The following MYH13 variants were observed in gnomAD, a reference collection of about 807,000 sequenced individuals.
MYH13 encodes the protein myosin heavy chain 13.
In MYH13, 177 loss-of-function variants were observed where a neutral mutation model predicts 232.1. The observed-to-expected ratio is 0.76, with a 90% CI of 0.67 to 0.86. The LOEUF is 0.86. Ranked by LOEUF, MYH13 falls within the 40% of genes least tolerant of loss-of-function variation. The probability of loss-of-function intolerance (pLI) is 0.00; values close to 1 mark genes in which losing one functional copy is unlikely to be tolerated. For missense variants in MYH13, 2,246 were observed against 2,405.9 expected, an observed-to-expected ratio of 0.93 and a Z score of 1.39; for synonymous variants, 884 against 923.5, an observed-to-expected ratio of 0.96 and a Z score of 0.78.
chr17:10,340,193 A>G lies in MYH13; in HGVS notation c.2013T>C (p.Pro671=). ...KLMTNLRSTH[P]HFVRCLIPNE... is the part of the protein sequence containing the mutation. ...TGGGAATCAGACATCGTACAAAGTG[A>G]GGGTGGGTGCTCCTTAAGTTAGTCA... The change falls in exon 18 of 41, where the codon CCT becomes CCC. Residue 671 remains proline, a synonymous_variant. Coordinates refer to ENST00000252172, the MANE Select transcript of MYH13 (RefSeq NM_003802.3). The G allele has an allele frequency of 6.2e-7, 1 of 1,614,004 alleles. No individual in the cohort carries two copies. Among genetic ancestry groups the G allele is most frequent in the Non-Finnish European group, 8.5e-7 (1 of 1,179,938 alleles).
chr17:10,349,833 A>C (rs1949574643), intron 12 of MYH13, among the ~76,000 whole-genome samples: 1 of 152,130 alleles, frequency 6.6e-6, no homozygotes, highest in South Asian at 2.1e-4. Context: ...GAGAGTTTAA[A>C]GCGCACTGCT....
At chr17:10,344,544 G>A (rs1326376678) in intron 15 of MYH13, among the ~76,000 whole-genome samples, 4 of 151,976 alleles carry the variant, frequency 2.6e-5, no homozygotes, top group Admixed American at 6.6e-5. Flanking sequence ...TCGGCCGGGC[G>A]TGGTGGTTCA....
intron 18 of MYH13, among the ~76,000 whole-genome samples, chr17:10,338,289 A>G (rs1248955420): frequency 6.6e-6 from 1 of 152,176 alleles, no homozygotes; most frequent in East Asian, 1.9e-4. Context: ...CACTCTTCCC[A>G]ACACTGGAGA....
At position 10,301,636 on chromosome 17, in the gene MYH13, T is replaced by G; in HGVS notation, c.5735A>C (p.Glu1912Ala). ...RVQHELEEAA[E>A]RADIAESQVN... ...CTGGGACTCAGCGATGTCCGCCCTCTCCGCGGCCTCCTCTAGCTCATGCTG... is the reference window on the plus strand; with the variant it reads ...CTGGGACTCAGCGATGTCCGCCCTCGCCGCGGCCTCCTCTAGCTCATGCTG... The change falls in exon 40 of 41, where the codon GAG becomes GCG. Residue 1912 changes from glutamate to alanine, a missense_variant. Transcript: ENST00000252172. 6.2e-7 allele frequency: 1 copy of G among 1,614,192 alleles called. No homozygotes were observed. The highest frequency in any genetic ancestry group is 8.5e-7 in the Non-Finnish European group (1 of 1,180,034).
rs765483543 is a variant in MYH13 at position 10,309,611 on chromosome 17, G to C, written c.4876C>G (p.Leu1626Val). Residue 1626 changes from leucine to valine, a missense_variant, in exon 34 of 41, where the codon CTT becomes GTT. Leu to Val is a conservative substitution (Grantham distance 32). Transcript: ENST00000252172. ...CCCAGCTGAATCTCCATCTCATTAA[G>C]GTCTCCCTCCATCTTCTTCTTTAGC... ...LRLKKKMEGD[L>V]NEMEIQLGHS... 1.9e-6 allele frequency: 3 copies of C among 1,613,354 alleles called. No individual in the cohort carries two copies. The highest frequency in any genetic ancestry group is 2.5e-6 in the Non-Finnish European group (3 of 1,179,760).
At chr17:10,366,381 G>GTTTTTTTTTTTTTTTTTTTTTTTTTTTTT (rs56798899) in intron 2 of MYH13, among the ~76,000 whole-genome samples, 2 of 112,640 alleles carry the variant, frequency 1.8e-5, no homozygotes, top group African/African-American at 6.5e-5. Flanking sequence ...AAATAAATCT[G>GTTTTTTTTTTTTTTTTTTTTTTTTTTTTT]TTTTTTTTTT....
intron 23 of MYH13, among the ~76,000 whole-genome samples, chr17:10,323,498 C>T (rs1907054921): frequency 6.6e-6 from 1 of 152,068 alleles, no homozygotes; most frequent in African/African-American, 2.4e-5. Flanking sequence ...GGGCTCACAC[C>T]TGTAATCCAA....
chr17:10,343,088 C>CAAA (rs71139039), intron 16 of MYH13, among the ~76,000 whole-genome samples: 2 of 125,128 alleles, frequency 1.6e-5, no homozygotes, highest in Non-Finnish European at 3.3e-5. Context: ...GACTCTGTCT[C>CAAA]AAAAAAAAAA....
Position 10,304,198 on chromosome 17 carries a change from A to G in MYH13, c.5467-700T>C, listed in dbSNP as rs186751670. ...GGGTTGATGGGTGCAGCAAACCAAC[A>G]TAGCACGTTTATACCTATGTAATAA... is the stretch of plus-strand genomic sequence containing the variant. On this transcript the variant is annotated intron_variant, in intron 37 of 40. Transcript: ENST00000252172. The surrounding 1 kb of genome is among the most constrained non-coding windows in gnomAD (Gnocchi z 5.3). Among the ~76,000 whole-genome samples the G allele has an allele frequency of 7.2e-5, 11 of 152,380 alleles. No homozygotes were observed. The highest frequency in any genetic ancestry group is 7.2e-4 in the Admixed American group (11 of 15,306).
chr17:10,372,677 A>T (rs1435932108), intron 1 of MYH13, among the ~76,000 whole-genome samples: 1 of 152,260 alleles, frequency 6.6e-6, no homozygotes, highest in African/African-American at 2.4e-5. Context: ...ACTGAACAGT[A>T]TAACATTGAC....
rs761469071 is a variant in MYH13 at position 10,309,377 on chromosome 17, C to T, written c.5026G>A (p.Ala1676Thr). ...AGGCCATTCCTGCGCTCCACGATGGCCAGCTGCTCCTTGAGGTCCTCATTG... is the reference window on the plus strand; with the variant it reads ...AGGCCATTCCTGCGCTCCACGATGGTCAGCTGCTCCTTGAGGTCCTCATTG... ...RSNEDLKEQL[A>T]IVERRNGLLL... Residue 1676 changes from alanine (A) to threonine (T), a missense_variant, in exon 35 of 41, where the codon GCC (alanine) becomes ACC (threonine). Coordinates refer to ENST00000252172, the MANE Select transcript of MYH13 (RefSeq NM_003802.3). 2 of 1,612,184 alleles carry T rather than the reference C, an allele frequency of 1.2e-6. No individual in the cohort carries two copies. The highest frequency in any genetic ancestry group is 2.2e-5 in the East Asian group (1 of 44,848).
chr17:10,309,928 T>A (rs370960943), intron 33 of MYH13, 98 bp from the exon 34 acceptor site: 116 of 1,039,586 alleles, frequency 1.1e-4, no homozygotes, highest in Admixed American at 7.5e-4. Context: ...TGCGTTTTTT[T>A]AAAAAAATTA....
chr17:10,350,734 G>A (rs1275505309), intron 11 of MYH13, 40 bp from the exon 12 acceptor site: 1 of 1,612,282 alleles, frequency 6.2e-7, no homozygotes, highest in East Asian at 2.2e-5. Context: ...GCAGGAATCA[G>A]GGATCCATAT....
intron 22 of MYH13, 129 bp downstream of exon 22, chr17:10,327,737 A>C: frequency 8.5e-7 from 1 of 1,171,730 alleles, no homozygotes; most frequent in African/African-American, 1.5e-5. Flanking sequence ...GTGGTGCTGC[A>C]ATACTCCACA....
In MYH13 at chr17:10,309,363, GCGCTCCACGATGGCCAGCTGCTCCTTGA is replaced by G. The variant is rs769425886; in HGVS notation, c.5012_5039del (p.Leu1671ProfsTer13). The G allele has an allele frequency of 1.9e-6, 3 of 1,613,416 alleles. No individual in the cohort carries two copies. The South Asian group carries it at 3.3e-5, about 18-fold the overall frequency. On this transcript the variant is annotated frameshift_variant, in exon 35 of 41. Transcript: ENST00000252172. LOFTEE classifies it high-confidence loss of function. ...GCTCCTCCAGCAGGAGGCCATTCCT[GCGCTCCACGATGGCCAGCTGCTCCTTGA>G]GGTCCTCATTGCTCCTCAGGGCGTC...
intron 1 of MYH13, among the ~76,000 whole-genome samples, chr17:10,372,559 T>C (rs556730626): frequency 2.6e-5 from 4 of 152,254 alleles, no homozygotes; most frequent in Admixed American, 2.6e-4. Context: ...CCACAACCAT[T>C]TTTCAGAAAT....
At chr17:10,351,837 T>G (rs1031249364) in intron 11 of MYH13, among the ~76,000 whole-genome samples, 8 of 152,208 alleles carry the variant, frequency 5.3e-5, no homozygotes, top group African/African-American at 1.4e-4. Context: ...CCTGAGCCTG[T>G]AGAGTGTCCA....
chr17:10,323,652 G>T (rs1907061360), intron 23 of MYH13, among the ~76,000 whole-genome samples: 1 of 151,516 alleles, frequency 6.6e-6, no homozygotes, highest in Non-Finnish European at 1.5e-5. Flanking sequence ...CCAGCTACTT[G>T]GGAGGCTGAG....
intron 20 of MYH13, among the ~76,000 whole-genome samples, chr17:10,330,874 G>A (rs141685874): frequency 0.013 from 1,913 of 152,034 alleles, 52 homozygotes; most frequent in African/African-American, 0.043. Context: ...AAAATTATCC[G>A]GGCGTGGTGG....
Sources: allele counts gnomAD v4.1 joint callset (sites outside exome capture counted in the v4.1 genomes callset), GRCh38; gene constraint gnomAD v4.1.1; non-coding constraint Gnocchi (gnomAD v3.1); transcripts MANE v1.5; gene names NCBI Gene and HGNC (gene_info 2026-07-23, HGNC 2026-07-21).